The following RYR2 variants were observed in gnomAD, a reference collection of about 807,000 sequenced individuals.
RYR2 encodes the protein cardiac muscle ryanodine receptor-calcium release channel.
Under a neutral mutation model 601.1 loss-of-function variants are expected in RYR2, and 227 were observed. The ratio of observed to expected loss-of-function variants is 0.38; its 90% CI spans 0.34 to 0.42. The LOEUF is 0.42. Among genes scored for constraint, RYR2 ranks in the 10% least tolerant of loss-of-function variants. RYR2 has a pLI of 1.00. For synonymous variants in RYR2, 2,223 were observed against 2,175.1 expected, an observed-to-expected ratio of 1.02 and a Z score of -0.61; for missense variants, 4,646 against 6,156.5, an observed-to-expected ratio of 0.75 and a Z score of 8.21.
At chr1:237,458,386 G>A (rs192663785) in intron 16 of RYR2, among the ~76,000 whole-genome samples, 25 of 152,208 alleles carry the variant, frequency 1.6e-4, no homozygotes, top group Admixed American at 9.8e-4. Flanking sequence ...CCAAGATTGC[G>A]CCACTGCACT....
Position 237,727,190 on chromosome 1 carries a change from A to G in RYR2, c.10829A>G (p.Asn3610Ser). The G allele has an allele frequency of 6.6e-7, 1 of 1,520,042 alleles. No individual in the cohort carries two copies. Among genetic ancestry groups the G allele is most frequent in the African/African-American group, 1.4e-5 (1 of 72,152 alleles). 94.2% of individuals were successfully genotyped at this position (1,520,042 alleles called of 1,614,324 possible). Residue 3610 changes from asparagine to serine, a missense_variant, in exon 76 of 105, where the codon AAT becomes AGT. Physicochemically the swap from Asn to Ser is conservative, Grantham distance 46. This residue lies in a region of RYR2 where 1,497 missense variants were observed against 1,842.6 expected (regional missense o/e 0.81). Coordinates refer to ENST00000366574, the MANE Select transcript of RYR2 (RefSeq NM_001035.3). Reference protein sequence around the residue: ...VACFRMAPLYNLPRHRAVNLF... With the variant: ...VACFRMAPLYSLPRHRAVNLF... ...TGCTTCCGGATGGCCCCCTTATATA[A>G]TCTGCCAAGGTCGGAATTACTTTAT...
chr1:237,536,466 G>A (rs1335226881), intron 25 of RYR2, among the ~76,000 whole-genome samples: 1 of 152,126 alleles, frequency 6.6e-6, no homozygotes, highest in Non-Finnish European at 1.5e-5. Context: ...TGTAACCCCA[G>A]CACTTTGGGA....
intron 38 of RYR2, among the ~76,000 whole-genome samples, chr1:237,620,982 C>T (rs1050460799): frequency 6.6e-6 from 1 of 152,068 alleles, no homozygotes; most frequent in Non-Finnish European, 1.5e-5. Context: ...TTCAAGTGTT[C>T]ATGAAACATT....
chr1:237,124,068 C>A (rs990531645), intron 1 of RYR2, among the ~76,000 whole-genome samples: 1 of 152,136 alleles, frequency 6.6e-6, no homozygotes, highest in African/African-American at 2.4e-5. Context: ...AAGTGAAATA[C>A]TTTGAGATAG....
intron 34 of RYR2, among the ~76,000 whole-genome samples, chr1:237,596,456 G>T (rs2148480073): frequency 1.3e-5 from 2 of 152,104 alleles, no homozygotes; most frequent in African/African-American, 2.4e-5. Flanking sequence ...GCATAAGAAA[G>T]ACTTTATGAA....
intron 71 of RYR2, among the ~76,000 whole-genome samples, chr1:237,715,162 A>G (rs1455730766): frequency 1.3e-5 from 2 of 152,184 alleles, no homozygotes; most frequent in Non-Finnish European, 2.9e-5. Context: ...GTGCAAATTC[A>G]TTAGCTTTAG....
chr1:237,125,717 G>T (rs150638180), intron 1 of RYR2, among the ~76,000 whole-genome samples: 1 of 152,152 alleles, frequency 6.6e-6, no homozygotes, highest in African/African-American at 2.4e-5. Flanking sequence ...AAACAAACAT[G>T]TATCATAAAA....
chr1:237,674,017 G>T, intron 58 of RYR2, 79 bp from the exon 59 acceptor site: 2 of 1,131,132 alleles, frequency 1.8e-6, no homozygotes, highest in South Asian at 2.9e-5. Flanking sequence ...TTTATAGTGT[G>T]GTCCAATTAT....
chr1:237,154,779 G>A (rs971349934), intron 1 of RYR2, among the ~76,000 whole-genome samples: 4 of 152,166 alleles, frequency 2.6e-5, no homozygotes, highest in African/African-American at 9.7e-5. Flanking sequence ...TGTATTATAT[G>A]TATGTATGTT....
At chr1:237,141,205 A>G (rs1673353501) in intron 1 of RYR2, among the ~76,000 whole-genome samples, 1 of 152,170 alleles carries the variant, frequency 6.6e-6, no homozygotes. Context: ...TTATAGAAAC[A>G]ATGTTGGTAG....
At chr1:237,323,512 G>A (rs144431790) in intron 2 of RYR2, among the ~76,000 whole-genome samples, 3 of 152,256 alleles carry the variant, frequency 2.0e-5, no homozygotes, top group Admixed American at 6.5e-5. Context: ...GCACTGACAC[G>A]TCTGAGTCAT....
chr1:237,050,646 G>A (rs1661145428), intron 1 of RYR2, among the ~76,000 whole-genome samples: 1 of 151,978 alleles, frequency 6.6e-6, no homozygotes, highest in Non-Finnish European at 1.5e-5. Flanking sequence ...ATGTACATGG[G>A]AACCCATGAA....
intron 79 of RYR2, among the ~76,000 whole-genome samples, chr1:237,739,042 T>C (rs1239730613): frequency 2.6e-5 from 4 of 152,238 alleles, no homozygotes; most frequent in Non-Finnish European, 5.9e-5. Context: ...GTCATGATTT[T>C]CATTTCTCTT....
intron 1 of RYR2, among the ~76,000 whole-genome samples, chr1:237,206,510 A>G (rs1175455235): frequency 1.3e-5 from 2 of 152,204 alleles, no homozygotes; most frequent in Non-Finnish European, 2.9e-5. Context: ...ATAATAATTC[A>G]AGTACTTCTA....
At chr1:237,303,392 C>T (rs916087992) in intron 2 of RYR2, among the ~76,000 whole-genome samples, 3 of 145,858 alleles carry the variant, frequency 2.1e-5, no homozygotes, top group African/African-American at 2.6e-5. Flanking sequence ...CTCTGCCTCT[C>T]GGGTTCAAGT....
intron 24 of RYR2, among the ~76,000 whole-genome samples, chr1:237,514,721 C>T (rs1362050736): frequency 1.3e-5 from 2 of 152,076 alleles, no homozygotes; most frequent in Non-Finnish European, 2.9e-5. Flanking sequence ...CTTGGTCCAC[C>T]GAGGAAATGT....
chr1:237,771,790 C>G (rs1558381251), intron 85 of RYR2, among the ~76,000 whole-genome samples: 1 of 152,086 alleles, frequency 6.6e-6, no homozygotes. Flanking sequence ...ATATCTGAGA[C>G]AAAAATTGAA....
intron 23 of RYR2, among the ~76,000 whole-genome samples, chr1:237,511,312 A>G (rs1665872753): frequency 6.6e-6 from 1 of 151,896 alleles, no homozygotes; most frequent in African/African-American, 2.4e-5. Context: ...AAAAAAAAAA[A>G]AAAGAGTAAG....
intron 1 of RYR2, among the ~76,000 whole-genome samples, chr1:237,063,666 A>G (rs926003376): frequency 6.6e-6 from 1 of 152,032 alleles, no homozygotes; most frequent in Non-Finnish European, 1.5e-5. Context: ...GTCAGAATTC[A>G]TGTAGATTTA....
Sources: allele counts gnomAD v4.1 joint callset (sites outside exome capture counted in the v4.1 genomes callset), GRCh38; gene constraint gnomAD v4.1.1; regional missense constraint gnomAD v4.1.1; transcripts MANE v1.5; gene names NCBI Gene and HGNC (gene_info 2026-07-23, HGNC 2026-07-21).